Variants in CWC27 observed in about 807,000 individuals in gnomAD.
CWC27 encodes the protein CWC27 spliceosome associated cyclophilin, also known as spliceosome-associated protein CWC27 homolog.
In CWC27, 47 loss-of-function variants were observed where a neutral mutation model predicts 63.6. That is an observed-to-expected ratio of 0.74 (90% confidence interval 0.58 to 0.94). The LOEUF (loss-of-function observed/expected upper bound fraction) is 0.94. Ranked by LOEUF, CWC27 falls within the 40% of genes least tolerant of loss-of-function variation. The pLI, the probability that CWC27 is intolerant of heterozygous loss-of-function variation, is 0.00. For synonymous variants in CWC27, 175 were observed against 179.8 expected (o/e 0.97, Z 0.22); for missense variants, 495 against 554.3 (o/e 0.89, Z 1.07).
At chr5:64,947,685 G>T (rs762092481) in intron 11 of CWC27, among the ~76,000 whole-genome samples, 98 of 152,008 alleles carry the variant, frequency 6.4e-4, no homozygotes, top group Non-Finnish European at 1.1e-3. Flanking sequence ...CAGCATAATG[G>T]TGATCTTCTA....
Position 64,777,790 on chromosome 5 carries a change from A to G in CWC27, c.139+3003A>G, listed in dbSNP as rs1743508967. ...TGCAAGCAGCAAAATATACAGTATTATAAACTATAAATACAACTATAAATG... is the reference window on the plus strand; with the variant it reads ...TGCAAGCAGCAAAATATACAGTATTGTAAACTATAAATACAACTATAAATG... On this transcript the variant is annotated intron_variant, in intron 2 of 13. Transcript: ENST00000381070. Among the ~76,000 whole-genome samples, 4 of 152,292 alleles carry G rather than the reference A, an allele frequency of 2.6e-5. No individual in the cohort carries two copies. In the South Asian group the frequency reaches 8.3e-4, roughly 32 times the overall value.
chr5:64,797,742 C>T (rs528592570), intron 7 of CWC27, among the ~76,000 whole-genome samples: 2 of 152,212 alleles, frequency 1.3e-5, no homozygotes, highest in African/African-American at 2.4e-5. Context: ...CTTAAAATCG[C>T]TCTTAGTGGT....
chr5:64,895,070 C>T (rs531605762), intron 11 of CWC27, among the ~76,000 whole-genome samples: 72 of 152,278 alleles, frequency 4.7e-4, no homozygotes, highest in African/African-American at 1.6e-3. Flanking sequence ...AGCAACAAGG[C>T]AGCCCTCCCA....
chr5:64,792,555 CT>C (rs1417079453), intron 7 of CWC27, among the ~76,000 whole-genome samples: 1 of 152,240 alleles, frequency 6.6e-6, no homozygotes, highest in African/African-American at 2.4e-5. Flanking sequence ...CTTACCCAAC[CT>C]TTGCCTTTCT....
intron 10 of CWC27, among the ~76,000 whole-genome samples, chr5:64,825,589 T>C (rs1745335567): frequency 5.3e-5 from 8 of 152,142 alleles, no homozygotes; most frequent in Admixed American, 5.2e-4. Flanking sequence ...TGGGGTTTTG[T>C]TTTTTAGCTT....
rs556029768 is a variant in CWC27, at chr5:64,813,833, TA to T, written c.938+9450del. ...GGGAAGAGAAGGGCCACTGAAGAAG[TA>T]AAGTTCTTCTTTGTTTTACACAAAG... On this transcript the variant is annotated intron_variant, in intron 10 of 13. Transcript: ENST00000381070. Among the ~76,000 whole-genome samples the T allele has an allele frequency of 1.1e-4, 16 of 152,286 alleles. No homozygotes were observed. The South Asian group carries it at 3.3e-3, about 32-fold the overall frequency.
intron 13 of CWC27, among the ~76,000 whole-genome samples, chr5:64,990,259 T>G (rs570263194): frequency 2.5e-5 from 2 of 78,666 alleles, no homozygotes; most frequent in Admixed American, 1.5e-4. Flanking sequence ...TTGTTTTTTT[T>G]TTTTTTGTTT....
Position 64,772,424 on chromosome 5 carries a change from C to T in CWC27, c.43-2267C>T, listed in dbSNP as rs558277284. ...ATTGCCTGAGGTCAGGAGTTCAAGA[C>T]CAATCTGGCCAACAGGGTGAAACCC... On this transcript the variant is annotated intron_variant, in intron 1 of 13. Coordinates refer to ENST00000381070, the MANE Select transcript of CWC27 (RefSeq NM_005869.4). Among the ~76,000 whole-genome samples the T allele has an allele frequency of 6.8e-4, 101 of 148,344 alleles. 2 individuals are homozygous for T. The highest frequency in any genetic ancestry group is 2.5e-3 in the African/African-American group (99 of 40,122).
chr5:64,867,131 G>A (rs1746548646), intron 10 of CWC27, among the ~76,000 whole-genome samples: 1 of 152,004 alleles, frequency 6.6e-6, no homozygotes, highest in South Asian at 2.1e-4. Context: ...CAACACCATT[G>A]TGGATATTCC....
chr5:64,933,653 T>G (rs1186866628), intron 11 of CWC27, among the ~76,000 whole-genome samples: 1 of 151,976 alleles, frequency 6.6e-6, no homozygotes, highest in Non-Finnish European at 1.5e-5. Flanking sequence ...CCACCATGCC[T>G]GGCTAATTTT....
chr5:64,898,378 A>G (rs1747428529), intron 11 of CWC27, among the ~76,000 whole-genome samples: 1 of 152,226 alleles, frequency 6.6e-6, no homozygotes. Flanking sequence ...GAAGAAAGGA[A>G]TAAAGAGCAG....
At chr5:64,946,990 C>T (rs1748602986) in intron 11 of CWC27, among the ~76,000 whole-genome samples, 1 of 152,120 alleles carries the variant, frequency 6.6e-6, no homozygotes, top group Admixed American at 6.6e-5. Flanking sequence ...TTTAGACTTG[C>T]ATTTCTCATC....
At chr5:64,852,143 A>G (rs959497345) in intron 10 of CWC27, among the ~76,000 whole-genome samples, 3 of 152,190 alleles carry the variant, frequency 2.0e-5, no homozygotes, top group Non-Finnish European at 2.9e-5. Context: ...AGAGGGAAAC[A>G]TAAGTAACTG....
At chr5:64,875,395 C>T (rs1033987038) in intron 10 of CWC27, among the ~76,000 whole-genome samples, 4 of 151,630 alleles carry the variant, frequency 2.6e-5, no homozygotes, top group Non-Finnish European at 4.4e-5. Context: ...ATAAAGGGCA[C>T]ATAGAACATT....
rs547908439 is a variant in CWC27 at position 64,864,911 on chromosome 5, T to G, written c.939-20532T>G. 7.6e-4 allele frequency among the ~76,000 whole-genome samples: 115 copies of G among 152,246 alleles called. 1 individual carries two copies. The highest frequency in any genetic ancestry group is 2.7e-3 in the African/African-American group (111 of 41,536). ...TATGGTGAGAACATTTGAAATTTACTCTCAGCAATTTTGACATATACAATG... is the reference window on the plus strand; with the variant it reads ...TATGGTGAGAACATTTGAAATTTACGCTCAGCAATTTTGACATATACAATG... On this transcript the variant is annotated intron_variant, in intron 10 of 13. Transcript: ENST00000381070.
intron 10 of CWC27, among the ~76,000 whole-genome samples, chr5:64,825,154 A>G (rs1391879541): frequency 2.0e-5 from 3 of 152,204 alleles, no homozygotes; most frequent in African/African-American, 4.8e-5. Context: ...GCTACAGCAC[A>G]GTAAATCAGG....
At chr5:64,852,305 A>T (rs1366945986) in intron 10 of CWC27, among the ~76,000 whole-genome samples, 4 of 152,216 alleles carry the variant, frequency 2.6e-5, no homozygotes, top group African/African-American at 9.6e-5. Flanking sequence ...TAAAATCTCC[A>T]GCATAAATGA....
chr5:64,829,641 C>CT (rs564183984), intron 10 of CWC27, among the ~76,000 whole-genome samples: 45,583 of 126,236 alleles, frequency 0.36, 8,826 homozygotes, highest in East Asian at 0.49. Context: ...CTTTTATTCA[C>CT]TTTTTTTTTT....
At chr5:64,970,371 C>T (rs1451386358) in intron 11 of CWC27, among the ~76,000 whole-genome samples, 1 of 152,036 alleles carries the variant, frequency 6.6e-6, no homozygotes, top group African/African-American at 2.4e-5. Context: ...CGCCACCACG[C>T]CCGGCTAATT....
Sources: gnomAD v4.1 joint callset for allele counts (sites outside exome capture counted in the v4.1 genomes callset) on GRCh38, gnomAD v4.1.1 for gene constraint, MANE v1.5 for transcripts, NCBI Gene and HGNC (gene_info 2026-07-23, HGNC 2026-07-21) for gene names.